The following TBATA variants were observed in gnomAD, a reference collection of about 807,000 sequenced individuals.
TBATA encodes protein TBATA.
TBATA carries 47 observed loss-of-function variants against 38.7 expected under a neutral mutation model. The ratio of observed to expected loss-of-function variants is 1.21; its 90% confidence interval spans 0.96 to 1.55. TBATA has a LOEUF of 1.55. TBATA is among the 40% of genes most tolerant of loss of function. The pLI, the probability that TBATA is intolerant of heterozygous loss-of-function variation, is 0.00. For missense variants in TBATA, 436 were observed against 435.6 expected (o/e 1.00, Z -0.01); for synonymous variants, 183 against 170.5 (o/e 1.07, Z -0.57).
chr10:70,779,746 C>T lies in TBATA; in HGVS notation c.278-4G>A, dbSNP rs758973275. 2 of 1,536,350 alleles carry T rather than the reference C, an allele frequency of 1.3e-6. No homozygotes were observed. The highest frequency in any genetic ancestry group is 1.7e-4 in the Middle Eastern group (1 of 5,848). ...CAGACAGGCTTCCCGGTGAGATCTG[C>T]AAAGGGTTAGAGGCTGTGGGAAGGG... On this transcript the variant is annotated splice_polypyrimidine_tract_variant and splice_region_variant and intron_variant, in intron 4 of 10. Transcript: ENST00000456372.
chr10:70,780,515 C>T (rs1844064040), intron 4 of TBATA, among the ~76,000 whole-genome samples: 1 of 152,046 alleles, frequency 6.6e-6, no homozygotes, highest in African/African-American at 2.4e-5. Context: ...GTTTTTCTCT[C>T]CGGTAGCTAC....
At chr10:70,776,944 A>G (rs1011115150) in intron 7 of TBATA, among the ~76,000 whole-genome samples, 3 of 152,116 alleles carry the variant, frequency 2.0e-5, no homozygotes, top group African/African-American at 7.2e-5. Context: ...GAGATCACGG[A>G]ACTAGGGCCC....
chr10:70,778,764 G>C (rs770448780), intron 5 of TBATA, 128 bp from the exon 6 acceptor site: 132 of 844,806 alleles, frequency 1.6e-4, no homozygotes, highest in Admixed American at 1.3e-3. Flanking sequence ...AAAGGGAAAG[G>C]GGGAGGCGGT....
rs1453579467 is a variant in TBATA at position 70,774,749 on chromosome 10, C to T, written c.776-392G>A. 2.0e-5 allele frequency among the ~76,000 whole-genome samples: 3 copies of T among 152,166 alleles called. No homozygotes were observed. In the East Asian group the frequency reaches 5.8e-4, roughly 29 times the overall value. On this transcript the variant is annotated intron_variant, in intron 8 of 10. Coordinates refer to ENST00000456372, the MANE Select transcript of TBATA (RefSeq NM_001318241.2). ...CACTCCTCACCCTTCTACTCAGATG[C>T]ACCCCCTACCCACTGTCCCAGTGCG...
At chr10:70,772,359 T>C (rs1842876285) in intron 10 of TBATA, 155 bp downstream of exon 10, 1 of 502,670 alleles carries the variant, frequency 2.0e-6, no homozygotes, top group African/African-American at 2.6e-5. Flanking sequence ...GATAAATATT[T>C]GTTAAAGAAT....
At chr10:70,775,484 A>T (rs1273087088) in intron 7 of TBATA, among the ~76,000 whole-genome samples, 1 of 152,174 alleles carries the variant, frequency 6.6e-6, no homozygotes, top group African/African-American at 2.4e-5. Flanking sequence ...GTCCAGGAGG[A>T]AGATTCTTAA....
At chr10:70,782,311 A>G (rs1844320358) in intron 3 of TBATA, 2 of 1,469,972 alleles carry the variant, frequency 1.4e-6, no homozygotes, top group Non-Finnish European at 1.8e-6. Flanking sequence ...GTTTTTTCCC[A>G]GAGACCATAT....
At chr10:70,777,081 C>G (rs528195032) in intron 7 of TBATA, 72 bp downstream of exon 7, 3 of 1,506,058 alleles carry the variant, frequency 2.0e-6, no homozygotes, top group Non-Finnish European at 2.7e-6. Flanking sequence ...TGGGAGGGGC[C>G]TTGCCCTAAA....
intron 7 of TBATA, 102 bp from the exon 8 acceptor site, chr10:70,775,372 G>A: frequency 1.1e-6 from 1 of 933,742 alleles, no homozygotes; most frequent in Non-Finnish European, 1.7e-6. Flanking sequence ...CCCAAAGTGG[G>A]CTCCCAGAGG....
chr10:70,777,113 G>A lies in TBATA; in HGVS notation c.693+40C>T, dbSNP rs550284034. On this transcript the variant is annotated intron_variant, in intron 7 of 10. Coordinates refer to ENST00000456372, the MANE Select transcript of TBATA (RefSeq NM_001318241.2). ...TAAAGCGGTTTGTAAGACCCCTAAT[G>A]TGGAGAGCCAGGAGCCTGGGAGCAG... 11 of 1,599,364 alleles carry A rather than the reference G, an allele frequency of 6.9e-6. No homozygotes were observed. In the African/African-American group the frequency reaches 1.5e-4, roughly 21 times the overall value.
chr10:70,774,248 A>G lies in TBATA; in HGVS notation c.885T>C (p.His295=), dbSNP rs376260477. The change falls in exon 9 of 11, where the codon CAT becomes CAC. Residue 295 remains histidine (H), a synonymous_variant. Transcript: ENST00000456372. ...EKLLSQLPEV[H]EPPQEKQEPP... ...GCTCTTGCTTCTCTTGAGGAGGTTC[A>G]TGCACTTCTGGAAGCTGGCTTAGGA... 1 of 1,612,398 alleles carries G rather than the reference A, an allele frequency of 6.2e-7. No individual in the cohort carries two copies. The highest frequency in any genetic ancestry group is 8.5e-7 in the Non-Finnish European group (1 of 1,179,710).
intron 3 of TBATA, chr10:70,782,772 G>T: frequency 2.2e-6 from 1 of 446,108 alleles, no homozygotes; most frequent in Non-Finnish European, 3.0e-6. Context: ...ATCAGCAAAG[G>T]TGGGCCAGTC....
At position 70,772,494 on chromosome 10, in the gene TBATA, C is replaced by A; in HGVS notation, c.973+20G>T. The A allele has an allele frequency of 6.2e-7, 1 of 1,613,686 alleles. No individual in the cohort carries two copies. Among genetic ancestry groups the A allele is most frequent in the Non-Finnish European group, 8.5e-7 (1 of 1,179,566 alleles). Reference sequence around the variant, plus strand: ...GGGCCTTGGTGAGTCCCCCAAATGACCCACTACTTGGAATCTTACCTGGTT... The same window carrying A: ...GGGCCTTGGTGAGTCCCCCAAATGAACCACTACTTGGAATCTTACCTGGTT... On this transcript the variant is annotated intron_variant, in intron 10 of 10. Transcript: ENST00000456372.
In TBATA at chr10:70,774,286, G is replaced by T; in HGVS notation, c.847C>A (p.Pro283Thr). 1 of 1,610,646 alleles carries T rather than the reference G, an allele frequency of 6.2e-7. No homozygotes were observed. Reference sequence around the variant, plus strand: ...AGCTGGCTTAGGAGCTTTTCTGTAGGGATGGAGACTAGGGGCTGGGGAAGG... The same window carrying T: ...AGCTGGCTTAGGAGCTTTTCTGTAGTGATGGAGACTAGGGGCTGGGGAAGG... ...QLLPQPLVSI[P>T]TEKLLSQLPE... The change falls in exon 9 of 11, where the codon CCT becomes ACT. Residue 283 changes from proline (P) to threonine (T), a missense_variant. Pro to Thr is a conservative substitution (Grantham distance 38). Transcript: ENST00000456372.
rs527540324 is a variant in TBATA, at chr10:70,782,525, G to A, written c.42-489C>T. The stretch of plus-strand genomic sequence containing the variant: ...GGAGTAGTCTTGGCTCAGACTCAGC[G>A]TCCAGAGGCCAGAGCTGGAGCTTAG... On this transcript the variant is annotated intron_variant, in intron 3 of 10. Transcript: ENST00000456372. 1.6e-3 allele frequency: 2,056 copies of A among 1,271,008 alleles called. 19 individuals are homozygous for A. The highest frequency in any genetic ancestry group is 0.013 in the South Asian group (1,005 of 78,610). 78.7% of individuals were successfully genotyped at this position (1,271,008 alleles called of 1,614,324 possible). A position where few individuals can be genotyped will look rare whatever the true frequency, so the allele number is the denominator to read the frequency against.
intron 10 of TBATA, 94 bp from the exon 11 acceptor site, chr10:70,771,555 G>T: frequency 1.6e-6 from 2 of 1,220,526 alleles, no homozygotes; most frequent in South Asian, 1.4e-5. Flanking sequence ...TGAGGGGAAG[G>T]TCTGAGTCAA....
intron 4 of TBATA, among the ~76,000 whole-genome samples, chr10:70,781,433 G>A (rs1394042976): frequency 6.6e-6 from 1 of 152,230 alleles, no homozygotes; most frequent in Non-Finnish European, 1.5e-5. Context: ...AAAGTGCCTA[G>A]CCAATAGTTC....
At chr10:70,772,400 T>C in intron 10 of TBATA, 114 bp downstream of exon 10, 1 of 972,526 alleles carries the variant, frequency 1.0e-6, no homozygotes. Context: ...ATAGATGAAA[T>C]GAGCAGCATC....
chr10:70,779,039 A>G (rs1843788391), intron 5 of TBATA, among the ~76,000 whole-genome samples: 2 of 151,994 alleles, frequency 1.3e-5, no homozygotes, highest in South Asian at 4.2e-4. Context: ...AAATCAAACT[A>G]CTCCCTGGAG....
Sources: gnomAD v4.1 joint callset for allele counts (sites outside exome capture counted in the v4.1 genomes callset) on GRCh38, gnomAD v4.1.1 for gene constraint, MANE v1.5 for transcripts, NCBI Gene and HGNC (gene_info 2026-07-23, HGNC 2026-07-21) for gene names.